The following TAFA1 variants were observed in gnomAD, a reference collection of about 807,000 sequenced individuals.
TAFA1 encodes chemokine-like protein TAFA-1.
TAFA1 carries 4 observed loss-of-function variants against 18.5 expected under a neutral mutation model. That is an observed-to-expected ratio of 0.22 (90% CI 0.11 to 0.49). TAFA1 has a LOEUF of 0.49. Ranked by LOEUF, TAFA1 falls within the 20% of genes least tolerant of loss-of-function variation. TAFA1 has a pLI of 0.98. For synonymous variants in TAFA1, 56 were observed against 55.2 expected (o/e 1.01, Z -0.06); for missense variants, 147 against 169.0 (o/e 0.87, Z 0.72).
intron 3 of TAFA1, among the ~76,000 whole-genome samples, chr3:68,521,983 C>T (rs1326390943): frequency 6.9e-6 from 1 of 145,440 alleles, no homozygotes; most frequent in East Asian, 2.2e-4. Flanking sequence ...GTAGCAACAA[C>T]AGGAGCACAC....
At chr3:68,369,357 G>T (rs1341250895) in intron 2 of TAFA1, among the ~76,000 whole-genome samples, 1 of 152,170 alleles carries the variant, frequency 6.6e-6, no homozygotes, top group Admixed American at 6.5e-5. Context: ...TGATGCATTG[G>T]CTGGCATTAT....
At chr3:68,228,428 A>G (rs2066829901) in intron 2 of TAFA1, among the ~76,000 whole-genome samples, 1 of 152,154 alleles carries the variant, frequency 6.6e-6, no homozygotes, top group African/African-American at 2.4e-5. Context: ...ACCTCTATAA[A>G]TATCAACTGC....
intron 3 of TAFA1, among the ~76,000 whole-genome samples, chr3:68,527,958 C>G (rs879579080): frequency 1.3e-5 from 2 of 152,086 alleles, no homozygotes; most frequent in Non-Finnish European, 2.9e-5. Flanking sequence ...AGAGGGAATG[C>G]AATCCTAATG....
intron 2 of TAFA1, among the ~76,000 whole-genome samples, chr3:68,369,065 A>G (rs1020407421): frequency 1.3e-5 from 2 of 152,204 alleles, no homozygotes; most frequent in Non-Finnish European, 2.9e-5. Context: ...TAGATAGCCT[A>G]TATTTTGCTA....
In TAFA1 at chr3:68,154,566, G is replaced by A. The variant is rs544221372; in HGVS notation, c.118+147822G>A. Among the ~76,000 whole-genome samples the A allele has an allele frequency of 3.9e-5, 6 of 152,292 alleles. No homozygotes were observed. The East Asian group carries it at 7.7e-4, about 20-fold the overall frequency. On this transcript the variant is annotated intron_variant, in intron 2 of 4. Transcript: ENST00000478136. The stretch of plus-strand genomic sequence containing the variant: ...ATGTTCCAAACCCCTGTTTCCTTGA[G>A]GCTTATGTGTCTCTCCTTTCATCCC...
intron 2 of TAFA1, among the ~76,000 whole-genome samples, chr3:68,212,303 G>C (rs957051321): frequency 2.6e-5 from 4 of 151,758 alleles, no homozygotes; most frequent in Non-Finnish European, 5.9e-5. Context: ...TGTAATGAGA[G>C]AAAAAGGCCA....
chr3:68,007,758 G>A (rs1212990813), intron 2 of TAFA1, among the ~76,000 whole-genome samples: 1 of 151,988 alleles, frequency 6.6e-6, no homozygotes, highest in Non-Finnish European at 1.5e-5. Flanking sequence ...CCCCCCATCC[G>A]TCGAGCTTCC....
chr3:68,372,499 G>T (rs1041743731), intron 2 of TAFA1, among the ~76,000 whole-genome samples: 1 of 152,164 alleles, frequency 6.6e-6, no homozygotes, highest in Non-Finnish European at 1.5e-5. Context: ...TTTGAAGATG[G>T]ACTACCAATC....
At chr3:68,470,763 G>C (rs1383341025) in intron 3 of TAFA1, among the ~76,000 whole-genome samples, 2 of 152,210 alleles carry the variant, frequency 1.3e-5, no homozygotes, top group Non-Finnish European at 2.9e-5. Flanking sequence ...GAGCATAAAA[G>C]TTCGGAAAAT....
intron 2 of TAFA1, among the ~76,000 whole-genome samples, chr3:68,343,096 C>A (rs1032510611): frequency 2.6e-5 from 4 of 152,196 alleles, no homozygotes; most frequent in African/African-American, 4.8e-5. Context: ...ACTTTCTTAG[C>A]AACCCACTGG....
chr3:68,363,550 T>G (rs1166155917), intron 2 of TAFA1, among the ~76,000 whole-genome samples: 1 of 152,198 alleles, frequency 6.6e-6, no homozygotes, highest in Non-Finnish European at 1.5e-5. Flanking sequence ...CTTTTGATCT[T>G]TAGGGTATCT....
chr3:68,017,598 G>T (rs191472927), intron 2 of TAFA1, among the ~76,000 whole-genome samples: 1 of 152,118 alleles, frequency 6.6e-6, no homozygotes, highest in African/African-American at 2.4e-5. Context: ...TCCAAAAAAT[G>T]TGTGCCATGA....
At chr3:68,167,954 A>G (rs1471791235) in intron 2 of TAFA1, among the ~76,000 whole-genome samples, 4 of 152,102 alleles carry the variant, frequency 2.6e-5, no homozygotes, top group African/African-American at 9.7e-5. Flanking sequence ...GTGTTTTTTT[A>G]AGAATCTGTG....
At chr3:68,040,433 G>A (rs1705139447) in intron 2 of TAFA1, among the ~76,000 whole-genome samples, 1 of 152,130 alleles carries the variant, frequency 6.6e-6, no homozygotes, top group Non-Finnish European at 1.5e-5. Flanking sequence ...ACTGAGTAGA[G>A]TCAAGAAACC....
chr3:68,420,401 G>T (rs373385086), intron 3 of TAFA1, among the ~76,000 whole-genome samples: 1 of 151,982 alleles, frequency 6.6e-6, no homozygotes, highest in Non-Finnish European at 1.5e-5. Context: ...TTTATTTTCC[G>T]TAAAGATGAG....
intron 2 of TAFA1, among the ~76,000 whole-genome samples, chr3:68,401,122 C>G (rs896686848): frequency 1.3e-5 from 2 of 152,094 alleles, no homozygotes; most frequent in African/African-American, 2.4e-5. Flanking sequence ...CAATGTATTT[C>G]ACAAACACAT....
At chr3:68,202,814 T>C (rs778829339) in intron 2 of TAFA1, among the ~76,000 whole-genome samples, 2 of 151,770 alleles carry the variant, frequency 1.3e-5, no homozygotes, top group Non-Finnish European at 3.0e-5. Flanking sequence ...TTGTTACTTT[T>C]ATTTTGAATA....
At chr3:68,476,749 A>ATT (rs1410373482) in intron 3 of TAFA1, among the ~76,000 whole-genome samples, 1 of 152,164 alleles carries the variant, frequency 6.6e-6, no homozygotes, top group African/African-American at 2.4e-5. Context: ...ATCCAAGATT[A>ATT]TTTTTAAAGG....
chr3:68,166,933 A>G (rs935819543), intron 2 of TAFA1, among the ~76,000 whole-genome samples: 1 of 152,214 alleles, frequency 6.6e-6, no homozygotes, highest in Non-Finnish European at 1.5e-5. Flanking sequence ...AATAAGATCA[A>G]GGATGTAAAC....
Sources: gnomAD v4.1 joint callset for allele counts (sites outside exome capture counted in the v4.1 genomes callset) on GRCh38, gnomAD v4.1.1 for gene constraint, MANE v1.5 for transcripts, NCBI Gene and HGNC (gene_info 2026-07-23, HGNC 2026-07-21) for gene names.